PRPSAP1: variants seen among roughly 807,000 people sequenced by gnomAD.
PRPSAP1 encodes the protein phosphoribosyl pyrophosphate synthetase associated protein 1, also known as phosphoribosyl pyrophosphate synthase-associated protein 1.
In PRPSAP1, 31 loss-of-function variants were observed where a neutral mutation model predicts 39.4. That is an observed-to-expected ratio of 0.79 (90% CI 0.59 to 1.06). The LOEUF is 1.06. PRPSAP1 is among the 50% of genes least tolerant of loss of function. The probability of loss-of-function intolerance (pLI) is 0.00; values close to 1 mark genes in which losing one functional copy is unlikely to be tolerated. For synonymous variants in PRPSAP1, 212 were observed against 192.6 expected, an observed-to-expected ratio of 1.10 and a Z score of -0.83; for missense variants, 430 against 511.6, an observed-to-expected ratio of 0.84 and a Z score of 1.54.
At chr17:76,321,328 A>G (rs1472345224) in intron 7 of PRPSAP1, among the ~76,000 whole-genome samples, 3 of 151,986 alleles carry the variant, frequency 2.0e-5, no homozygotes, top group East Asian at 1.9e-4. Flanking sequence ...AGGCCGAGGC[A>G]GGTGGATCAT....
chr17:76,327,917 T>C lies in PRPSAP1; in HGVS notation c.781+800A>G, dbSNP rs115976689. Among the ~76,000 whole-genome samples the C allele has an allele frequency of 5.6e-3, 847 of 152,226 alleles. 6 individuals carry two copies. The highest frequency in any genetic ancestry group is 0.019 in the African/African-American group (804 of 41,542). On this transcript the variant is annotated intron_variant, in intron 7 of 9. Coordinates refer to ENST00000446526, the MANE Select transcript of PRPSAP1 (RefSeq NM_002766.3). ...GGGCCTGGCATGGGGCTCATGTCTG[T>C]AATCTTATGTAATCTCGGCATTTTG...
chr17:76,336,065 A>AAGGG (rs1417025761), intron 3 of PRPSAP1, among the ~76,000 whole-genome samples: 1 of 152,226 alleles, frequency 6.6e-6, no homozygotes, highest in Non-Finnish European at 1.5e-5. Context: ...AACACAGCAC[A>AAGGG]AGGGAGGCCC....
chr17:76,315,680 C>T (rs996018046), intron 7 of PRPSAP1, among the ~76,000 whole-genome samples: 3 of 138,194 alleles, frequency 2.2e-5, no homozygotes, highest in African/African-American at 8.5e-5. Flanking sequence ...TGTAAACACG[C>T]AGTTATGTTG....
At chr17:76,312,353 T>C (rs112386100) in intron 9 of PRPSAP1, among the ~76,000 whole-genome samples, 19,271 of 151,718 alleles carry the variant, frequency 0.13, 2,861 homozygotes, top group African/African-American at 0.36. Flanking sequence ...AGGAGAATCG[T>C]TTGAACCCGG....
At chr17:76,353,364 G>A (rs1377729256) in intron 1 of PRPSAP1, 170 bp downstream of exon 1, 12 of 655,476 alleles carry the variant, frequency 1.8e-5, no homozygotes, top group South Asian at 4.9e-5. Context: ...TGCAAAACCG[G>A]GGAGCGGGGG....
intron 1 of PRPSAP1, among the ~76,000 whole-genome samples, chr17:76,349,629 C>T (rs139917135): frequency 0.024 from 3,432 of 145,776 alleles, 128 homozygotes; most frequent in African/African-American, 0.083. Context: ...GGTGTGGTGG[C>T]GAGCGTCTAT....
chr17:76,334,627 A>AAAAAAC (rs147277378), intron 3 of PRPSAP1, among the ~76,000 whole-genome samples: 3 of 151,236 alleles, frequency 2.0e-5, no homozygotes, highest in Non-Finnish European at 4.4e-5. Flanking sequence ...CTATGATTAA[A>AAAAAAC]AAAAACAAAA....
At chr17:76,312,842 T>C in intron 9 of PRPSAP1, 28 bp downstream of exon 9, 1 of 1,590,618 alleles carries the variant, frequency 6.3e-7, no homozygotes, top group Non-Finnish European at 8.5e-7. Context: ...GCAGTAAATC[T>C]TGGCTCAAGA....
intron 1 of PRPSAP1, among the ~76,000 whole-genome samples, chr17:76,352,719 G>A (rs1360649548): frequency 1.3e-5 from 2 of 151,606 alleles, no homozygotes; most frequent in Admixed American, 6.6e-5. Context: ...CTATTCAGAG[G>A]GCCACTATGA....
At chr17:76,315,137 C>CT (rs2071109403) in intron 7 of PRPSAP1, among the ~76,000 whole-genome samples, 1 of 152,126 alleles carries the variant, frequency 6.6e-6, no homozygotes, top group South Asian at 2.1e-4. Flanking sequence ...AGACTTTTAT[C>CT]TGACTGCAAA....
At chr17:76,341,291 A>G (rs1313278038) in intron 3 of PRPSAP1, among the ~76,000 whole-genome samples, 1 of 142,440 alleles carries the variant, frequency 7.0e-6, no homozygotes, top group East Asian at 2.1e-4. Context: ...AGGTTAGAGT[A>G]GAGTGGTGTA....
Position 76,311,532 on chromosome 17 carries a change from C to A in PRPSAP1, c.*10G>T. The A allele has an allele frequency of 6.2e-7, 1 of 1,612,750 alleles. No homozygotes were observed. Among genetic ancestry groups the A allele is most frequent in the Non-Finnish European group, 8.5e-7 (1 of 1,179,338 alleles). On this transcript the variant is annotated 3_prime_UTR_variant, in exon 10 of 10. Coordinates refer to ENST00000446526, the MANE Select transcript of PRPSAP1 (RefSeq NM_002766.3). ...CCTCAGGAGGTCCAGGGTCGAGACC[C>A]TCGTGAAAGCTAGTCATCCACAGTG...
At chr17:76,318,615 G>A (rs892769837) in intron 7 of PRPSAP1, among the ~76,000 whole-genome samples, 3 of 152,150 alleles carry the variant, frequency 2.0e-5, no homozygotes, top group East Asian at 1.9e-4. Context: ...CAGATGTGAG[G>A]CATATTTAAT....
At chr17:76,312,692 C>A in intron 9 of PRPSAP1, 178 bp downstream of exon 9, 1 of 654,754 alleles carries the variant, frequency 1.5e-6, no homozygotes, top group East Asian at 3.0e-5. Flanking sequence ...TAAGTTGAAC[C>A]ATGGTAAGTC....
At chr17:76,335,310 G>T (rs1380512849) in intron 3 of PRPSAP1, among the ~76,000 whole-genome samples, 2 of 151,756 alleles carry the variant, frequency 1.3e-5, no homozygotes, top group African/African-American at 4.8e-5. Context: ...AGTTAATTTA[G>T]TAGCTTCTGT....
intron 1 of PRPSAP1, among the ~76,000 whole-genome samples, chr17:76,349,748 C>T (rs545660520): frequency 1.3e-4 from 20 of 151,798 alleles, no homozygotes; most frequent in African/African-American, 4.6e-4. Context: ...GCAACAGGAG[C>T]GAAACTCCAT....
rs528009271 is a variant in PRPSAP1 at position 76,330,202 on chromosome 17, C to A, written c.580-104G>T. The A allele has an allele frequency of 4.3e-5, 42 of 978,728 alleles. No individual in the cohort carries two copies. The African/African-American group carries it at 6.5e-4, about 15-fold the overall frequency. 60.6% of individuals were successfully genotyped at this position (978,728 alleles called of 1,614,324 possible). On this transcript the variant is annotated intron_variant, in intron 5 of 9. Coordinates refer to ENST00000446526, the MANE Select transcript of PRPSAP1 (RefSeq NM_002766.3). ...TCTTATAATGATCCAAACTAGTCATCAAATATGCTAGAATTTTAGTCACAA... is the reference window on the plus strand; with the variant it reads ...TCTTATAATGATCCAAACTAGTCATAAAATATGCTAGAATTTTAGTCACAA...
chr17:76,329,075 T>A (rs2071287680), intron 6 of PRPSAP1: 2 of 97,918 alleles, frequency 2.0e-5, no homozygotes, highest in Admixed American at 1.4e-4. Flanking sequence ...ATTCTAGACA[T>A]TTTTTTTTTT....
chr17:76,353,752 CTG>C lies in PRPSAP1; in HGVS notation c.-51_-50del, dbSNP rs1461952939. The stretch of plus-strand genomic sequence containing the variant: ...GACCGGCCCCGCGCGGGGCTGCACT[CTG>C]AGTGCTTCCGACTGCGAGACCCCGG... On this transcript the variant is annotated 5_prime_UTR_variant, in exon 1 of 10. Coordinates refer to ENST00000446526, the MANE Select transcript of PRPSAP1 (RefSeq NM_002766.3). 1.6e-5 allele frequency: 22 copies of C among 1,402,810 alleles called. No individual in the cohort carries two copies. Among genetic ancestry groups the C allele is most frequent in the South Asian group, 3.1e-5 (2 of 63,792 alleles). 86.9% of individuals were successfully genotyped at this position (1,402,810 alleles called of 1,614,324 possible).
Sources: gnomAD v4.1 joint callset for allele counts (sites outside exome capture counted in the v4.1 genomes callset) on GRCh38, gnomAD v4.1.1 for gene constraint, MANE v1.5 for transcripts, NCBI Gene and HGNC (gene_info 2026-07-23, HGNC 2026-07-21) for gene names.